Variants in UNC5C observed in about 807,000 individuals in gnomAD.
UNC5C encodes the protein netrin receptor UNC5C.
UNC5C carries 47 observed loss-of-function variants against 99.8 expected under a neutral mutation model. The ratio of observed to expected loss-of-function variants is 0.47; its 90% CI spans 0.37 to 0.60. UNC5C has a LOEUF of 0.60. Ranked by LOEUF, UNC5C falls within the 20% of genes least tolerant of loss-of-function variation. The pLI is 0.00. For synonymous variants in UNC5C, 487 were observed against 452.2 expected, an observed-to-expected ratio of 1.08 and a Z score of -0.98; for missense variants, 1,062 against 1,165.9, an observed-to-expected ratio of 0.91 and a Z score of 1.30.
chr4:95,206,565 A>G, intron 11 of UNC5C, 63 bp downstream of exon 11: 2 of 1,601,208 alleles, frequency 1.2e-6, no homozygotes, highest in Non-Finnish European at 1.7e-6. Flanking sequence ...GCCTCCCATA[A>G]TTGCTCCTGC....
At chr4:95,273,321 T>A (rs1740725919) in intron 4 of UNC5C, among the ~76,000 whole-genome samples, 1 of 152,208 alleles carries the variant, frequency 6.6e-6, no homozygotes, top group South Asian at 2.1e-4. Flanking sequence ...AAAATTCAGC[T>A]TTGCTCCTTC....
intron 1 of UNC5C, among the ~76,000 whole-genome samples, chr4:95,407,266 C>T (rs948903198): frequency 8.9e-4 from 135 of 151,792 alleles, no homozygotes; most frequent in African/African-American, 3.2e-3. Context: ...TTTTGGGATA[C>T]GAGGGCACTA....
chr4:95,275,256 C>T (rs1740818538), intron 4 of UNC5C, among the ~76,000 whole-genome samples: 2 of 151,996 alleles, frequency 1.3e-5, no homozygotes, highest in South Asian at 4.2e-4. Flanking sequence ...CTGCATACCC[C>T]ACAGTGCCAA....
chr4:95,473,740 C>T (rs1018988730), intron 1 of UNC5C, among the ~76,000 whole-genome samples: 11 of 152,200 alleles, frequency 7.2e-5, no homozygotes, highest in African/African-American at 2.6e-4. Flanking sequence ...TTAAGATCTC[C>T]ACTCCTCTGT....
intron 3 of UNC5C, among the ~76,000 whole-genome samples, chr4:95,279,147 G>A (rs1201980498): frequency 6.6e-6 from 1 of 152,118 alleles, no homozygotes; most frequent in Non-Finnish European, 1.5e-5. Context: ...TTTCAAAGTG[G>A]AAAACAGAAT....
intron 1 of UNC5C, among the ~76,000 whole-genome samples, chr4:95,463,484 C>T (rs1199758741): frequency 6.6e-6 from 1 of 151,610 alleles, no homozygotes; most frequent in Non-Finnish European, 1.5e-5. Flanking sequence ...TGAACCCATC[C>T]TAATGGAAAG....
At chr4:95,395,559 G>C (rs538395131) in intron 1 of UNC5C, among the ~76,000 whole-genome samples, 1 of 152,074 alleles carries the variant, frequency 6.6e-6, no homozygotes, top group African/African-American at 2.4e-5. Context: ...TCATATCAAA[G>C]TTAAAAAGTC....
At chr4:95,207,396 C>G (rs1737920826) in intron 10 of UNC5C, among the ~76,000 whole-genome samples, 1 of 152,110 alleles carries the variant, frequency 6.6e-6, no homozygotes, top group Non-Finnish European at 1.5e-5. Context: ...TTGTATAGTT[C>G]ATGCTCAGAG....
intron 1 of UNC5C, among the ~76,000 whole-genome samples, chr4:95,398,043 G>GTTTTTTTTTTTTTTTT (rs1745570466): frequency 1.2e-4 from 9 of 76,944 alleles, no homozygotes; most frequent in African/African-American, 5.7e-4. Context: ...GCCAAATGTA[G>GTTTTTTTTTTTTTTTT]CTTTTTTTTT....
At chr4:95,170,540 G>C (rs1312407143) in intron 14 of UNC5C, among the ~76,000 whole-genome samples, 1 of 152,158 alleles carries the variant, frequency 6.6e-6, no homozygotes, top group East Asian at 1.9e-4. Context: ...TACATTTTGA[G>C]CTAACTTTGC....
chr4:95,230,389 G>T (rs1560743673), intron 7 of UNC5C, among the ~76,000 whole-genome samples: 1 of 151,354 alleles, frequency 6.6e-6, no homozygotes, highest in Non-Finnish European at 1.5e-5. Flanking sequence ...CCATTCTGTA[G>T]GTTGCCTGTT....
intron 1 of UNC5C, among the ~76,000 whole-genome samples, chr4:95,385,982 C>G (rs1485299822): frequency 2.0e-5 from 3 of 152,104 alleles, no homozygotes; most frequent in African/African-American, 7.2e-5. Context: ...TCCTCCCCAA[C>G]CAGTATCTCC....
At chr4:95,491,180 A>C (rs1486770907) in intron 1 of UNC5C, among the ~76,000 whole-genome samples, 1 of 151,682 alleles carries the variant, frequency 6.6e-6, no homozygotes, top group African/African-American at 2.4e-5. Flanking sequence ...TTTGCATGAC[A>C]CAAGTAAGAA....
chr4:95,211,365 C>T (rs537865579), intron 10 of UNC5C, among the ~76,000 whole-genome samples: 3 of 152,316 alleles, frequency 2.0e-5, no homozygotes, highest in Admixed American at 6.5e-5. Flanking sequence ...CTCCGAAGGG[C>T]GTGCCACCAT....
At position 95,220,289 on chromosome 4, in the gene UNC5C, C is replaced by T. The variant is rs931487255; in HGVS notation, c.1109-113G>A. 1.1e-5 allele frequency: 11 copies of T among 1,030,832 alleles called. No homozygotes were observed. In the South Asian group the frequency reaches 1.3e-4, roughly 12 times the overall value. 63.9% of individuals were successfully genotyped at this position (1,030,832 alleles called of 1,614,324 possible). A position where few individuals can be genotyped will look rare whatever the true frequency, so the allele number is the denominator to read the frequency against. On this transcript the variant is annotated intron_variant, in intron 7 of 15. Coordinates refer to ENST00000453304, the MANE Select transcript of UNC5C (RefSeq NM_003728.4). ...TACTGCCTTTTTTATAGGTTAATTT[C>T]AAATCTATTTCAAAAGCTATATAAA...
At chr4:95,225,092 T>C (rs1459007414) in intron 7 of UNC5C, among the ~76,000 whole-genome samples, 1 of 152,116 alleles carries the variant, frequency 6.6e-6, no homozygotes, top group East Asian at 1.9e-4. Context: ...AGTCTTGCTC[T>C]GTCACCCAGG....
At chr4:95,481,399 A>G (rs1256090352) in intron 1 of UNC5C, among the ~76,000 whole-genome samples, 5 of 152,020 alleles carry the variant, frequency 3.3e-5, no homozygotes, top group Non-Finnish European at 5.9e-5. Flanking sequence ...GCTCATGGGT[A>G]GGAAGAATCA....
At chr4:95,470,810 G>A (rs1747944495) in intron 1 of UNC5C, among the ~76,000 whole-genome samples, 1 of 151,982 alleles carries the variant, frequency 6.6e-6, no homozygotes, top group Non-Finnish European at 1.5e-5. Flanking sequence ...AATTACTCTC[G>A]TGGTCTATTT....
chr4:95,238,954 C>T (rs966450292), intron 7 of UNC5C, among the ~76,000 whole-genome samples: 1 of 151,970 alleles, frequency 6.6e-6, no homozygotes, highest in African/African-American at 2.4e-5. Flanking sequence ...GCTTATGTTC[C>T]TTTTAAAAAT....
Sources: allele counts gnomAD v4.1 joint callset (sites outside exome capture counted in the v4.1 genomes callset), GRCh38; gene constraint gnomAD v4.1.1; transcripts MANE v1.5; gene names NCBI Gene and HGNC (gene_info 2026-07-23, HGNC 2026-07-21).